Variants in ARID1B observed in about 807,000 individuals in gnomAD.
ARID1B encodes the protein AT-rich interactive domain-containing protein 1B.
A neutral mutation model predicts 212.3 loss-of-function variants in ARID1B; 30 were observed. That is an observed-to-expected ratio of 0.14 (90% CI 0.11 to 0.19). The LOEUF (loss-of-function observed/expected upper bound fraction) is 0.19. ARID1B is among the 10% of genes least tolerant of loss of function. The pLI, the probability that ARID1B is intolerant of heterozygous loss-of-function variation, is 1.00. For synonymous variants in ARID1B, 1,402 were observed against 1,301.7 expected, an observed-to-expected ratio of 1.08 and a Z score of -1.66; for missense variants, 2,891 against 3,204.0, an observed-to-expected ratio of 0.90 and a Z score of 2.36.
chr6:157,031,427 T>G (rs1583181062), intron 4 of ARID1B, among the ~76,000 whole-genome samples: 1 of 152,218 alleles, frequency 6.6e-6, no homozygotes, highest in East Asian at 1.9e-4. Flanking sequence ...GCATCTAAAT[T>G]CTTGGTAATA....
At chr6:157,105,595 T>G (rs1009245091) in intron 5 of ARID1B, among the ~76,000 whole-genome samples, 5 of 152,048 alleles carry the variant, frequency 3.3e-5, no homozygotes, top group African/African-American at 1.2e-4. Flanking sequence ...GTAAGACTGG[T>G]AATTTTTTAT....
chr6:157,057,829 T>C (rs939462955), intron 4 of ARID1B, among the ~76,000 whole-genome samples: 4 of 152,124 alleles, frequency 2.6e-5, no homozygotes, highest in African/African-American at 4.8e-5. Flanking sequence ...AACAAAAGTT[T>C]AGGAGGATTA....
intron 7 of ARID1B, 121 bp downstream of exon 7, chr6:157,133,328 AGGTT>A: frequency 8.8e-7 from 1 of 1,137,162 alleles, no homozygotes; most frequent in Non-Finnish European, 1.2e-6. Context: ...GTTACCTGAC[AGGTT>A]TGTGAGGTTC....
chr6:157,189,574 C>T (rs1793212153), intron 13 of ARID1B, 68 bp from the exon 14 acceptor site: 1 of 1,507,320 alleles, frequency 6.6e-7, no homozygotes, highest in Non-Finnish European at 8.9e-7. Flanking sequence ...GTATAACTAG[C>T]AAGGCAGCTG....
At chr6:156,859,500 G>A (rs904816333) in intron 2 of ARID1B, among the ~76,000 whole-genome samples, 2 of 151,926 alleles carry the variant, frequency 1.3e-5, no homozygotes, top group Non-Finnish European at 2.9e-5. Context: ...TTTGTTTGGT[G>A]CCTTACTTGA....
rs1778911678 is a variant in ARID1B at position 156,778,857 on chromosome 6, G to A, written c.1177G>A (p.Gly393Ser). Reference protein sequence around the residue: ...GYSRPGAGGGGGGGGGGGGGS... With the variant: ...GYSRPGAGGGSGGGGGGGGGS... ...CAGCCGGCCCGGCGCGGGCGGCGGC[G>A]GCGGCGGCGGCGGCGGAGGAGGAGG... The change falls in exon 1 of 20, where the codon GGC (glycine) becomes AGC (serine). Residue 393 changes from glycine (G) to serine (S), a missense_variant. By Grantham distance (56) the Gly-to-Ser change is moderately conservative. Coordinates refer to ENST00000636930, the MANE Select transcript of ARID1B (RefSeq NM_001374828.1). The A allele has an allele frequency of 2.1e-6, 3 of 1,403,384 alleles. No individual in the cohort carries two copies. The highest frequency in any genetic ancestry group is 3.1e-5 in the African/African-American group (2 of 65,198). The allele number at this position is 1,403,384 out of a possible 1,614,324, so 86.9% of individuals were successfully genotyped here.
chr6:156,945,127 G>A (rs1792994283), intron 4 of ARID1B, among the ~76,000 whole-genome samples: 1 of 147,890 alleles, frequency 6.8e-6, no homozygotes, highest in Non-Finnish European at 1.5e-5. Context: ...AGTAGAGACG[G>A]GGTTTCACCA....
intron 1 of ARID1B, among the ~76,000 whole-genome samples, chr6:156,817,241 G>C (rs774512990): frequency 1.3e-5 from 2 of 151,962 alleles, no homozygotes; most frequent in African/African-American, 4.8e-5. Context: ...TTAGCCAGGC[G>C]TGGTGGGCAG....
chr6:156,919,441 A>G (rs1689649725), intron 3 of ARID1B, among the ~76,000 whole-genome samples: 1 of 152,134 alleles, frequency 6.6e-6, no homozygotes. Context: ...TTATATAGTA[A>G]TAATATTTTC....
At chr6:156,797,285 G>A (rs776112945) in intron 1 of ARID1B, among the ~76,000 whole-genome samples, 11 of 152,186 alleles carry the variant, frequency 7.2e-5, no homozygotes, top group Non-Finnish European at 1.5e-4. Flanking sequence ...GGGTGCTGCC[G>A]TTTATTGTAG....
intron 5 of ARID1B, among the ~76,000 whole-genome samples, chr6:157,090,948 C>T (rs1785240132): frequency 6.6e-6 from 1 of 152,132 alleles, no homozygotes; most frequent in Non-Finnish European, 1.5e-5. Flanking sequence ...TGCCTCCTGC[C>T]TGGGGTAGCC....
chr6:157,073,201 C>G (rs2128436006), intron 4 of ARID1B, among the ~76,000 whole-genome samples: 1 of 149,648 alleles, frequency 6.7e-6, no homozygotes, highest in East Asian at 2.0e-4. Context: ...CTCCTGGGTT[C>G]AGGGAATTCT....
chr6:156,894,042 T>A (rs287936), intron 2 of ARID1B, among the ~76,000 whole-genome samples: 28,905 of 151,978 alleles, frequency 0.19, 3,152 homozygotes, highest in African/African-American at 0.27. Context: ...CAGTCGAGTG[T>A]TTATCCATGG....
intron 9 of ARID1B, chr6:157,173,139 T>C (rs555976111): frequency 6.6e-6 from 1 of 152,386 alleles, no homozygotes; most frequent in South Asian, 2.1e-4. Flanking sequence ...TTCCTTACTC[T>C]AGTCTTGTTC....
Position 157,013,121 on chromosome 6 carries a change from C to T in ARID1B, c.2248-71541C>T, listed in dbSNP as rs967478648. 3.3e-5 allele frequency among the ~76,000 whole-genome samples: 5 copies of T among 152,310 alleles called. No individual in the cohort carries two copies. The South Asian group carries it at 8.3e-4, about 25-fold the overall frequency. ...CCCGAACTCCTGACCTCAGGTGGTCCGCCCGCCTCGGCCTCCCAAAGTGCT... is the reference window on the plus strand; with the variant it reads ...CCCGAACTCCTGACCTCAGGTGGTCTGCCCGCCTCGGCCTCCCAAAGTGCT... On this transcript the variant is annotated intron_variant, in intron 4 of 19. Transcript: ENST00000636930.
At chr6:156,802,343 T>C (rs148777087) in intron 1 of ARID1B, among the ~76,000 whole-genome samples, 247 of 152,344 alleles carry the variant, frequency 1.6e-3, no homozygotes, top group African/African-American at 5.6e-3. Context: ...TAAAGGATGT[T>C]AGTTATTTAT....
Position 157,196,298 on chromosome 6 carries a change from A to T in ARID1B, c.4365A>T (p.Gly1455=), listed in dbSNP as rs1793721375. 6.3e-7 allele frequency: 1 copy of T among 1,595,404 alleles called. No homozygotes were observed. The highest frequency in any genetic ancestry group is 8.5e-7 in the Non-Finnish European group (1 of 1,175,750). Residue 1455 remains glycine, a synonymous_variant, in exon 16 of 20, where the codon GGA becomes GGT. Transcript: ENST00000636930. ...GMGQRQQFPY[G]ASYDRRHEPY... is the part of the protein sequence containing the mutation. The stretch of plus-strand genomic sequence containing the variant: ...GGCAGCGCCAGCAGTTTCCCTATGG[A>T]GCCAGTTACGACCGAAGGTGAGTAT...
chr6:156,778,019 C>T lies in ARID1B; in HGVS notation c.339C>T (p.Ser113=), dbSNP rs1778760602. ...AGGCGGCTCTCAAGGAGGGTGGAAGCGCCGCCGCGCTGTCCTCCTCCTCCT... is the reference window on the plus strand; with the variant it reads ...AGGCGGCTCTCAAGGAGGGTGGAAGTGCCGCCGCGCTGTCCTCCTCCTCCT... ...GSEAALKEGG[S]AAALSSSSSS... The change falls in exon 1 of 20, where the codon AGC becomes AGT. Residue 113 remains serine (S), a synonymous_variant. Coordinates refer to ENST00000636930, the MANE Select transcript of ARID1B (RefSeq NM_001374828.1). The T allele has an allele frequency of 6.5e-7, 1 of 1,533,496 alleles. No homozygotes were observed. The highest frequency in any genetic ancestry group is 2.5e-5 in the East Asian group (1 of 40,742). The allele number at this position is 1,533,496 out of a possible 1,614,324, so 95.0% of individuals were successfully genotyped here. A position where few individuals can be genotyped will look rare whatever the true frequency, so the allele number is the denominator to read the frequency against.
intron 7 of ARID1B, among the ~76,000 whole-genome samples, chr6:157,134,171 C>T (rs934745733): frequency 2.6e-5 from 4 of 152,132 alleles, no homozygotes; most frequent in African/African-American, 4.8e-5. Flanking sequence ...CCTGGTGTAG[C>T]GCCTTAGTAT....
Sources: allele counts gnomAD v4.1 joint callset (sites outside exome capture counted in the v4.1 genomes callset), GRCh38; gene constraint gnomAD v4.1.1; transcripts MANE v1.5; gene names NCBI Gene and HGNC (gene_info 2026-07-23, HGNC 2026-07-21).